Variants in PALS1 observed in about 807,000 individuals in gnomAD.
The protein encoded by PALS1 is protein PALS1.
PALS1 carries 31 observed loss-of-function variants against 78.9 expected under a neutral mutation model. That is an observed-to-expected ratio of 0.39 (90% CI 0.30 to 0.53). The LOEUF is 0.53. Among genes scored for constraint, PALS1 ranks in the 20% least tolerant of loss-of-function variants. The probability of loss-of-function intolerance (pLI) is 0.67; values close to 1 mark genes in which losing one functional copy is unlikely to be tolerated. For synonymous variants in PALS1, 276 were observed against 270.9 expected (o/e 1.02, Z -0.18); for missense variants, 704 against 826.5 (o/e 0.85, Z 1.82).
chr14:67,251,272 G>T (rs2084059031), intron 1 of PALS1, among the ~76,000 whole-genome samples: 1 of 152,184 alleles, frequency 6.6e-6, no homozygotes, highest in South Asian at 2.1e-4. Flanking sequence ...AGTGGCTCAT[G>T]CCTGAAATCC....
At chr14:67,256,971 C>T (rs940683589) in intron 1 of PALS1, among the ~76,000 whole-genome samples, 1 of 152,144 alleles carries the variant, frequency 6.6e-6, no homozygotes, top group Admixed American at 6.5e-5. Context: ...GACACAGCCT[C>T]AGGAGGTCCT....
intron 1 of PALS1, among the ~76,000 whole-genome samples, chr14:67,242,533 C>G (rs1388395259): frequency 6.6e-6 from 1 of 151,990 alleles, no homozygotes; most frequent in Non-Finnish European, 1.5e-5. Flanking sequence ...TTAAATTATG[C>G]AATAGGAACA....
Position 67,320,397 on chromosome 14 carries a change from C to A in PALS1, c.1537C>A (p.His513Asn). The change falls in exon 12 of 15, where the codon CAT (histidine) becomes AAT (asparagine). Residue 513 changes from histidine (H) to asparagine (N), a missense_variant and splice_region_variant. By Grantham distance (68) the His-to-Asn change is moderately conservative. Coordinates refer to ENST00000261681, the MANE Select transcript of PALS1 (RefSeq NM_022474.4). ...GGACCGCTTTGCATCTGCAGTTCCT[C>A]GTAAGTTTGAATGCATTCCCATTTT... ...EKDRFASAVP[H>N]TTRSRRDQEV... 1.3e-6 allele frequency: 2 copies of A among 1,592,754 alleles called. No individual in the cohort carries two copies. Among genetic ancestry groups the A allele is most frequent in the Non-Finnish European group, 1.7e-6 (2 of 1,170,330 alleles).
At chr14:67,283,292 A>C (rs2084629954) in intron 3 of PALS1, among the ~76,000 whole-genome samples, 1 of 152,194 alleles carries the variant, frequency 6.6e-6, no homozygotes, top group African/African-American at 2.4e-5. Flanking sequence ...CTGGATATTC[A>C]AACTATTAAG....
chr14:67,243,130 CAG>C (rs1338524927), intron 1 of PALS1, among the ~76,000 whole-genome samples: 1 of 151,894 alleles, frequency 6.6e-6, no homozygotes, highest in African/African-American at 2.4e-5. Flanking sequence ...TTTCTGATTT[CAG>C]AGTGTCTAGA....
intron 3 of PALS1, among the ~76,000 whole-genome samples, chr14:67,286,746 TAC>T (rs1338682828): frequency 6.7e-6 from 1 of 149,996 alleles, no homozygotes. Context: ...TGGTCTTAGC[TAC>T]TTGGGAGGCT....
chr14:67,328,446 G>A (rs1012422417), intron 14 of PALS1, among the ~76,000 whole-genome samples: 2 of 152,212 alleles, frequency 1.3e-5, no homozygotes, highest in African/African-American at 4.8e-5. Flanking sequence ...TATTCACTCT[G>A]ATGGTAGTTT....
chr14:67,263,353 C>T (rs2084267465), intron 1 of PALS1, among the ~76,000 whole-genome samples: 1 of 151,994 alleles, frequency 6.6e-6, no homozygotes, highest in South Asian at 2.1e-4. Flanking sequence ...CCCTTGTGCC[C>T]TGGGAGTACT....
intron 3 of PALS1, among the ~76,000 whole-genome samples, chr14:67,284,940 G>A (rs1010793024): frequency 4.0e-5 from 6 of 151,600 alleles, no homozygotes; most frequent in Admixed American, 1.3e-4. Context: ...TTGTAGAGAC[G>A]GGATCTCACT....
chr14:67,330,995 G>A (rs1051683119), intron 14 of PALS1, among the ~76,000 whole-genome samples: 4 of 151,974 alleles, frequency 2.6e-5, no homozygotes, highest in East Asian at 1.9e-4. Flanking sequence ...TGGTGTAGAG[G>A]ATGGTGTATC....
chr14:67,293,305 G>A (rs1175759332), intron 4 of PALS1, among the ~76,000 whole-genome samples: 1 of 152,056 alleles, frequency 6.6e-6, no homozygotes, highest in South Asian at 2.1e-4. Context: ...TTTAAAAAGG[G>A]TATAAATAAA....
At chr14:67,324,980 C>CTG (rs1333842519) in intron 14 of PALS1, among the ~76,000 whole-genome samples, 1 of 141,108 alleles carries the variant, frequency 7.1e-6, no homozygotes, top group Non-Finnish European at 1.5e-5. Context: ...TCTCGGCTGA[C>CTG]TGCAAGCTCC....
chr14:67,315,477 C>T (rs905173603), intron 9 of PALS1, among the ~76,000 whole-genome samples: 10 of 151,808 alleles, frequency 6.6e-5, no homozygotes, highest in African/African-American at 1.7e-4. Flanking sequence ...GGGGTTTCAC[C>T]GTGTTAGCCA....
intron 3 of PALS1, among the ~76,000 whole-genome samples, chr14:67,281,941 C>T (rs1022175017): frequency 4.0e-4 from 60 of 151,676 alleles, no homozygotes; most frequent in African/African-American, 1.4e-3. Context: ...TATGTGTGGT[C>T]CTTGAATTTA....
At position 67,334,698 on chromosome 14, in the gene PALS1, G is replaced by T. The variant is rs1302874826; in HGVS notation, c.*1742G>T. The T allele has an allele frequency of 6.6e-6, 1 of 152,232 alleles. No homozygotes were observed. The allele number at this position is 152,232 out of a possible 1,614,324, so 9.4% of individuals were successfully genotyped here. ...AAATAACATTCTTGGGTTGAGGGAA[G>T]GAATGCCATACACTACTGTCTCTTC... On this transcript the variant is annotated 3_prime_UTR_variant, in exon 15 of 15. Coordinates refer to ENST00000261681, the MANE Select transcript of PALS1 (RefSeq NM_022474.4).
At chr14:67,250,125 T>A (rs938946226) in intron 1 of PALS1, among the ~76,000 whole-genome samples, 3 of 149,426 alleles carry the variant, frequency 2.0e-5, no homozygotes, top group African/African-American at 7.7e-5. Context: ...ACCATTGATG[T>A]AGATAGACGA....
intron 8 of PALS1, among the ~76,000 whole-genome samples, chr14:67,309,394 T>A (rs917313434): frequency 1.3e-5 from 2 of 152,200 alleles, no homozygotes; most frequent in Non-Finnish European, 2.9e-5. Context: ...AAATAAATTT[T>A]CCTTAGGAAA....
intron 3 of PALS1, 81 bp downstream of exon 3, chr14:67,279,618 G>A (rs2084573397): frequency 8.2e-6 from 11 of 1,333,798 alleles, no homozygotes; most frequent in Non-Finnish European, 1.1e-5. Context: ...AAGGAAGAGG[G>A]TTTAAGAGAA....
intron 1 of PALS1, among the ~76,000 whole-genome samples, chr14:67,243,173 A>G (rs1022145651): frequency 1.3e-5 from 2 of 152,050 alleles, no homozygotes; most frequent in African/African-American, 2.4e-5. Context: ...ATGTGCTTAT[A>G]TAGAATATAA....
Sources: allele counts gnomAD v4.1 joint callset (sites outside exome capture counted in the v4.1 genomes callset), GRCh38; gene constraint gnomAD v4.1.1; transcripts MANE v1.5; gene names NCBI Gene and HGNC (gene_info 2026-07-23, HGNC 2026-07-21).